The following DLEU7 variants were observed in gnomAD, a reference collection of about 807,000 sequenced individuals.
DLEU7 encodes the protein leukemia-associated protein 7.
Under a neutral mutation model 16.0 loss-of-function variants are expected in DLEU7, and 17 were observed. The ratio of observed to expected loss-of-function variants is 1.06; its 90% CI spans 0.73 to 1.59. DLEU7 has a LOEUF of 1.59. DLEU7 is among the 40% of genes most tolerant of loss of function. DLEU7 has a pLI of 0.00. For synonymous variants in DLEU7, 113 were observed against 139.8 expected (o/e 0.81, Z 1.35); for missense variants, 308 against 314.9 (o/e 0.98, Z 0.17).
chr13:50,754,475 G>A (rs1452874469), intron 1 of DLEU7, among the ~76,000 whole-genome samples: 1 of 152,182 alleles, frequency 6.6e-6, no homozygotes, highest in African/African-American at 2.4e-5. Context: ...TGTTTTGTCT[G>A]AAATAAGAAT....
intron 1 of DLEU7, among the ~76,000 whole-genome samples, chr13:50,838,025 A>T (rs948807067): frequency 6.6e-6 from 1 of 152,152 alleles, no homozygotes; most frequent in African/African-American, 2.4e-5. Flanking sequence ...GAGAAAATTG[A>T]TAGAAACAGG....
At chr13:50,819,838 A>G (rs919872505), downstream of DLEU7, among the ~76,000 whole-genome samples, 1 of 152,194 alleles carries the variant, frequency 6.6e-6, no homozygotes, top group African/African-American at 2.4e-5. Flanking sequence ...TCTGGAGCTC[A>G]GGGTGAAAGA....
rs143120122 is a variant in DLEU7 at position 50,793,186 on chromosome 13, G to A, written c.459+50002C>T. On this transcript the variant is annotated intron_variant, in intron 1 of 1. Coordinates refer to the DLEU7 transcript ENST00000400393. ...AGGATAATGATTTCCAGATGCACCC[G>A]TGTTGCTGCAAAGGACATGATGTCA... Among the ~76,000 whole-genome samples the A allele has an allele frequency of 4.1e-4, 62 of 152,066 alleles. No homozygotes were observed. In the East Asian group the frequency reaches 8.5e-3, roughly 21 times the overall value.
chr13:50,716,911 C>A (rs1157813421), intron 1 of DLEU7, among the ~76,000 whole-genome samples: 2 of 152,104 alleles, frequency 1.3e-5, no homozygotes, highest in Non-Finnish European at 2.9e-5. Context: ...GGGAAGGAGG[C>A]AGACTTATTT....
At chr13:50,792,833 T>G (rs368612407) in intron 1 of DLEU7, among the ~76,000 whole-genome samples, 192 of 151,768 alleles carry the variant, frequency 1.3e-3, no homozygotes, top group African/African-American at 4.4e-3. Flanking sequence ...TGTCTTCTGG[T>G]TTTTGGGTTT....
At chr13:50,828,457 A>G (rs1395837425) in intron 1 of DLEU7, among the ~76,000 whole-genome samples, 1 of 152,240 alleles carries the variant, frequency 6.6e-6, no homozygotes, top group Non-Finnish European at 1.5e-5. Flanking sequence ...AATACTTTAT[A>G]CTGAACTATA....
chr13:50,731,232 G>A (rs183219944), intron 1 of DLEU7, among the ~76,000 whole-genome samples: 9 of 152,338 alleles, frequency 5.9e-5, no homozygotes, highest in Non-Finnish European at 1.3e-4. Flanking sequence ...CTTGAGTGGA[G>A]TGTACTTTCA....
chr13:50,809,352 G>A (rs1032331531), intron 1 of DLEU7, among the ~76,000 whole-genome samples: 10 of 152,138 alleles, frequency 6.6e-5, no homozygotes, highest in East Asian at 3.9e-4. Flanking sequence ...CATTAGGGAC[G>A]TTGTATGCAA....
intron 1 of DLEU7, among the ~76,000 whole-genome samples, chr13:50,747,116 G>T (rs1207334447): frequency 6.6e-6 from 1 of 152,068 alleles, no homozygotes; most frequent in Non-Finnish European, 1.5e-5. Context: ...TTCTGAATGG[G>T]TTAGAATTGT....
At chr13:50,825,631 G>A (rs1168512966) in intron 1 of DLEU7, among the ~76,000 whole-genome samples, 1 of 152,190 alleles carries the variant, frequency 6.6e-6, no homozygotes, top group Non-Finnish European at 1.5e-5. Context: ...ATATCCAGTT[G>A]TGTGGTGTGA....
At chr13:50,819,883 T>C (rs1405306209), downstream of DLEU7, among the ~76,000 whole-genome samples, 2 of 152,110 alleles carry the variant, frequency 1.3e-5, no homozygotes, top group Admixed American at 6.6e-5. Flanking sequence ...TAGCCAGTAT[T>C]GTAAATCACC....
At chr13:50,724,309 ATTAAC>A (rs1359020588) in intron 1 of DLEU7, among the ~76,000 whole-genome samples, 3 of 152,186 alleles carry the variant, frequency 2.0e-5, no homozygotes, top group African/African-American at 7.2e-5. Context: ...TGTTCTATTT[ATTAAC>A]TTATATTATA....
rs540084337 is a variant in DLEU7 at position 50,746,077 on chromosome 13, C to T, written c.460-32837G>A. On this transcript the variant is annotated intron_variant, in intron 1 of 1. Transcript: ENST00000400393. ...CAACTTATTACTGATCTGTCTGCTTCGGTTTCCTTATTCACACAATGGAGA... is the reference window on the plus strand; with the variant it reads ...CAACTTATTACTGATCTGTCTGCTTTGGTTTCCTTATTCACACAATGGAGA... Among the ~76,000 whole-genome samples, 108 of 152,250 alleles carry T rather than the reference C, an allele frequency of 7.1e-4. 1 individual carries two copies. The highest frequency in any genetic ancestry group is 2.4e-3 in the African/African-American group (99 of 41,558).
rs1877743028 is a variant in DLEU7 at position 50,843,374 on chromosome 13, C to T, written c.273G>A (p.Val91=). The T allele has an allele frequency of 1.4e-6, 2 of 1,412,352 alleles. No individual in the cohort carries two copies. Among genetic ancestry groups the T allele is most frequent in the Non-Finnish European group, 9.2e-7 (1 of 1,085,110 alleles). The allele number at this position is 1,412,352 out of a possible 1,614,324, so 87.5% of individuals were successfully genotyped here. ...ACTCGGCGCCCCCCTCAGCGCCTCG[C>T]ACTACCTCCTCCTCTGGGGAGTTCG... ...ARANSPEEEV[V]RGAEGGAELL... The change falls in exon 1 of 2, where the codon GTG becomes GTA. Residue 91 remains valine, a synonymous_variant. Transcript: ENST00000504404. The surrounding 1 kb of genome is among the most constrained non-coding windows in gnomAD (Gnocchi z 5.7).
intron 1 of DLEU7, among the ~76,000 whole-genome samples, chr13:50,840,443 G>A (rs1877612330): frequency 6.6e-6 from 1 of 152,268 alleles, no homozygotes; most frequent in Admixed American, 6.5e-5. Flanking sequence ...GTGCTCCCAA[G>A]GGAACAAATC....
At chr13:50,750,622 A>C (rs1205978754) in intron 1 of DLEU7, among the ~76,000 whole-genome samples, 1 of 152,006 alleles carries the variant, frequency 6.6e-6, no homozygotes, top group Non-Finnish European at 1.5e-5. Context: ...AGCATTTTGT[A>C]GTTTTCCTTG....
intron 1 of DLEU7, among the ~76,000 whole-genome samples, chr13:50,773,693 ACTGGGAGGTTT>A (rs1875399119): frequency 6.6e-6 from 1 of 152,100 alleles, no homozygotes; most frequent in Non-Finnish European, 1.5e-5. Context: ...GTGGGCACCT[ACTGGGAGGTTT>A]CTCCCAGTTA....
chr13:50,782,627 T>C (rs1331781214), intron 1 of DLEU7, among the ~76,000 whole-genome samples: 2 of 152,202 alleles, frequency 1.3e-5, no homozygotes, highest in Non-Finnish European at 2.9e-5. Flanking sequence ...CTCCTCATCT[T>C]CTACAAAATA....
At chr13:50,816,296 G>A (rs1876732923) in intron 1 of DLEU7, among the ~76,000 whole-genome samples, 1 of 152,072 alleles carries the variant, frequency 6.6e-6, no homozygotes, top group African/African-American at 2.4e-5. Flanking sequence ...TTCCCTCTGA[G>A]TATGCCAATT....
Sources: gnomAD v4.1 joint callset for allele counts (sites outside exome capture counted in the v4.1 genomes callset) on GRCh38, gnomAD v4.1.1 for gene constraint, Gnocchi (gnomAD v3.1) non-coding constraint, MANE v1.5 for transcripts, NCBI Gene and HGNC (gene_info 2026-07-23, HGNC 2026-07-21) for gene names.